PCDHGA3: variants seen among roughly 807,000 people sequenced by gnomAD.
The protein encoded by PCDHGA3 is protocadherin gamma subfamily A, 3, also known as protocadherin gamma-A3.
PCDHGA3 carries 40 observed loss-of-function variants against 58.5 expected under a neutral mutation model. That is an observed-to-expected ratio of 0.68 (90% CI 0.53 to 0.89). The LOEUF is 0.89. Among genes scored for constraint, PCDHGA3 ranks in the 40% least tolerant of loss-of-function variants. The pLI is 0.00. For synonymous variants in PCDHGA3, 530 were observed against 525.7 expected, an observed-to-expected ratio of 1.01 and a Z score of -0.11; for missense variants, 1,223 against 1,195.9, an observed-to-expected ratio of 1.02 and a Z score of -0.33.
In PCDHGA3 at chr5:141,371,429, G is replaced by A. The variant is rs766625096; in HGVS notation, c.2424+24972G>A. 6.2e-6 allele frequency: 10 copies of A among 1,613,916 alleles called. No homozygotes were observed. In the East Asian group the frequency reaches 1.6e-4, roughly 25 times the overall value. On this transcript the variant is annotated intron_variant, in intron 1 of 3. Transcript: ENST00000253812. ...TTTCAGATGAAAATGACAATGCCCC[G>A]GAGATAACCCTGGCTTCTGAATCCC...
At position 141,351,179 on chromosome 5, in the gene PCDHGA3, G is replaced by A. The variant is rs549882944; in HGVS notation, c.2424+4722G>A. On this transcript the variant is annotated intron_variant, in intron 1 of 3. Transcript: ENST00000253812. ...AACCAATGGCACATTGGATTTTGAAGAGACAAGTAGATATGTGTTGAGTGT... is the reference window on the plus strand; with the variant it reads ...AACCAATGGCACATTGGATTTTGAAAAGACAAGTAGATATGTGTTGAGTGT... The A allele has an allele frequency of 2.5e-6, 4 of 1,614,042 alleles. No individual in the cohort carries two copies. The South Asian group carries it at 4.4e-5, about 18-fold the overall frequency.
Position 141,432,028 on chromosome 5 carries a change from C to T in PCDHGA3, c.2425-62779C>T, listed in dbSNP as rs776543767. ...TTCCTAGCTACAACATCACAGTGAC[C>T]GCCACTGACCGGGGAACCCCGCCCC... On this transcript the variant is annotated intron_variant, in intron 1 of 3. Coordinates refer to ENST00000253812, the MANE Select transcript of PCDHGA3 (RefSeq NM_018916.4). The surrounding 1 kb of genome is among the most constrained non-coding windows in gnomAD (Gnocchi z 6.0). The T allele has an allele frequency of 1.1e-5, 18 of 1,614,050 alleles. No individual in the cohort carries two copies. The highest frequency in any genetic ancestry group is 9.9e-5 in the South Asian group (9 of 91,090).
intron 1 of PCDHGA3, chr5:141,360,018 A>T: frequency 3.3e-6 from 4 of 1,225,148 alleles, no homozygotes; most frequent in Non-Finnish European, 4.4e-6. Flanking sequence ...CACACAGAGA[A>T]GGCCAGTATA....
Position 141,344,663 on chromosome 5 carries a change from T to C in PCDHGA3, c.630T>C (p.Leu210=), listed in dbSNP as rs1561488345. 6.2e-7 allele frequency: 1 copy of C among 1,614,004 alleles called. No homozygotes were observed. The highest frequency in any genetic ancestry group is 1.7e-5 in the Admixed American group (1 of 60,024). Residue 210 remains leucine (L), a synonymous_variant, in exon 1 of 4, where the codon CTT becomes CTC. Transcript: ENST00000253812. The part of the protein sequence containing the change: ...LDREKKEIHQ[L]VLVASDGGDP... Reference sequence around the variant, plus strand: ...GTGAGAAAAAAGAAATTCACCAGCTTGTCCTGGTTGCCTCTGATGGTGGCG... The same window carrying C: ...GTGAGAAAAAAGAAATTCACCAGCTCGTCCTGGTTGCCTCTGATGGTGGCG...
At position 141,491,809 on chromosome 5, in the gene PCDHGA3, C is replaced by A. The variant is rs1421763758; in HGVS notation, c.2425-2998C>A. The A allele has an allele frequency of 6.7e-7, 1 of 1,487,044 alleles. No homozygotes were observed. The highest frequency in any genetic ancestry group is 1.4e-5 in the South Asian group (1 of 72,986). The allele number at this position is 1,487,044 out of a possible 1,614,324, so 92.1% of individuals were successfully genotyped here. On this transcript the variant is annotated intron_variant, in intron 1 of 3. Coordinates refer to ENST00000253812, the MANE Select transcript of PCDHGA3 (RefSeq NM_018916.4). This position sits in a 1 kb window ranked among gnomAD's most constrained non-coding sequence, Gnocchi z 6.9. Reference sequence around the variant, plus strand: ...TCCACTCCTCTCCGGCCGGCTTGGTCGCTGGCTGCGCTCCACCCGATTCTC... The same window carrying A: ...TCCACTCCTCTCCGGCCGGCTTGGTAGCTGGCTGCGCTCCACCCGATTCTC...
chr5:141,435,934 T>A (rs1311888999), intron 1 of PCDHGA3, among the ~76,000 whole-genome samples: 2 of 152,160 alleles, frequency 1.3e-5, no homozygotes, highest in Non-Finnish European at 2.9e-5. Flanking sequence ...CAGTTGCTGC[T>A]TCTGAGACCA....
chr5:141,417,644 AG>A, intron 1 of PCDHGA3: 1 of 779,202 alleles, frequency 1.3e-6, no homozygotes, highest in South Asian at 2.1e-5. Flanking sequence ...GGGATCCCTC[AG>A]CCTCTAGCCT....
intron 1 of PCDHGA3, chr5:141,478,214 C>T (rs1258200424): frequency 6.2e-7 from 1 of 1,614,140 alleles, no homozygotes; most frequent in Admixed American, 1.7e-5. Flanking sequence ...TTCTCTAATC[C>T]TGGTTTCTGT....
rs923014432 is a variant in PCDHGA3, at chr5:141,343,841, C to T, written c.-193C>T. 2.7e-5 allele frequency: 14 copies of T among 511,610 alleles called. No homozygotes were observed. Among genetic ancestry groups the T allele is most frequent in the Non-Finnish European group, 4.1e-5 (12 of 294,376 alleles). The allele number at this position is 511,610 out of a possible 1,614,324, so 31.7% of individuals were successfully genotyped here. A position where few individuals can be genotyped will look rare whatever the true frequency, so the allele number is the denominator to read the frequency against. On this transcript the variant is annotated 5_prime_UTR_variant, in exon 1 of 4. Transcript: ENST00000253812. ...GGAGAACTAGTCCACCATTTCCTTGCTCCTAAAATGCAAAGAACCAGCAAA... is the reference window on the plus strand; with the variant it reads ...GGAGAACTAGTCCACCATTTCCTTGTTCCTAAAATGCAAAGAACCAGCAAA...
intron 1 of PCDHGA3, chr5:141,410,046 G>T: frequency 6.2e-7 from 1 of 1,613,174 alleles, no homozygotes; most frequent in Non-Finnish European, 8.5e-7. Context: ...AGTGAGCCCG[G>T]ACTCTTCAGC....
At chr5:141,422,683 G>A in intron 1 of PCDHGA3, 1 of 1,605,286 alleles carries the variant, frequency 6.2e-7, no homozygotes, top group Non-Finnish European at 8.5e-7. Flanking sequence ...CAAACAGAAT[G>A]CCCTGGTCAC....
At chr5:141,388,104 T>C in intron 1 of PCDHGA3, 1 of 1,386,112 alleles carries the variant, frequency 7.2e-7, no homozygotes, top group Non-Finnish European at 1.0e-6. Context: ...GGAGAAGCCT[T>C]ACTTCACCGT....
chr5:141,396,830 G>A (rs1014090361), intron 1 of PCDHGA3, among the ~76,000 whole-genome samples: 1 of 152,198 alleles, frequency 6.6e-6, no homozygotes, highest in African/African-American at 2.4e-5. Context: ...TGCATATTCA[G>A]TGGAGTGGGA....
intron 1 of PCDHGA3, chr5:141,423,463 G>C (rs772779471): frequency 1.2e-6 from 2 of 1,613,874 alleles, no homozygotes; most frequent in South Asian, 2.2e-5. Context: ...AGGCGTGGAC[G>C]GGGTACAGGC....
Position 141,360,540 on chromosome 5 carries a change from GA to G in PCDHGA3, c.2424+14084del, listed in dbSNP as rs760797244. On this transcript the variant is annotated intron_variant, in intron 1 of 3. Transcript: ENST00000253812. ...ATGATAATACCCCGCTATTCAAACAGACTAAGATTAATTTAAAAATTGGCGA... is the reference window on the plus strand; with the variant it reads ...ATGATAATACCCCGCTATTCAAACAGCTAAGATTAATTTAAAAATTGGCGA... 3.1e-6 allele frequency: 5 copies of G among 1,613,812 alleles called. No homozygotes were observed. In the African/African-American group the frequency reaches 6.7e-5, roughly 22 times the overall value.
At chr5:141,427,923 C>T (rs2097089935) in intron 1 of PCDHGA3, 3 of 1,580,656 alleles carry the variant, frequency 1.9e-6, no homozygotes, top group African/African-American at 1.3e-5. Context: ...CATGAGCCGG[C>T]GCATGTTGGT....
intron 1 of PCDHGA3, chr5:141,415,739 GGTTTTTTTTT>G: frequency 6.9e-6 from 3 of 434,948 alleles, no homozygotes; most frequent in Middle Eastern, 6.4e-4. Context: ...TGTTTATTAA[GGTTTTTTTTT>G]TTTTTTTTTT....
chr5:141,354,055 T>C (rs1040476692), intron 1 of PCDHGA3, among the ~76,000 whole-genome samples: 21 of 152,198 alleles, frequency 1.4e-4, no homozygotes, highest in African/African-American at 4.3e-4. Context: ...GCAATGATAA[T>C]CCATGTTCGG....
At chr5:141,404,096 G>C in intron 1 of PCDHGA3, 1 of 1,613,610 alleles carries the variant, frequency 6.2e-7, no homozygotes, top group Non-Finnish European at 8.5e-7. Flanking sequence ...GAATGGTCAA[G>C]TTGTCTGTTC....
Sources: gnomAD v4.1 joint callset for allele counts (sites outside exome capture counted in the v4.1 genomes callset) on GRCh38, gnomAD v4.1.1 for gene constraint, Gnocchi (gnomAD v3.1) non-coding constraint, MANE v1.5 for transcripts, NCBI Gene and HGNC (gene_info 2026-07-23, HGNC 2026-07-21) for gene names.